PEAK1: variants seen among roughly 807,000 people sequenced by gnomAD.
PEAK1 encodes inactive tyrosine-protein kinase PEAK1.
A neutral mutation model predicts 124.7 loss-of-function variants in PEAK1; 54 were observed. The ratio of observed to expected loss-of-function variants is 0.43; its 90% CI spans 0.35 to 0.54. The LOEUF is 0.54. PEAK1 is among the 20% of genes least tolerant of loss of function. The pLI is 0.01. For missense variants in PEAK1, 2,046 were observed against 2,134.5 expected (o/e 0.96, Z 0.82); for synonymous variants, 719 against 760.0 (o/e 0.95, Z 0.89).
intron 7 of PEAK1, among the ~76,000 whole-genome samples, chr15:77,170,798 G>A (rs533896585): frequency 2.5e-4 from 38 of 152,162 alleles, no homozygotes; most frequent in African/African-American, 8.7e-4. Flanking sequence ...AACTACTCAG[G>A]GTAAGTCAGA....
At chr15:77,334,650 G>GT in intron 2 of PEAK1, 1 of 985,070 alleles carries the variant, frequency 1.0e-6, no homozygotes, top group Non-Finnish European at 1.2e-6. Context: ...ATTTTTATTT[G>GT]TATTACTTTT....
At position 77,208,165 on chromosome 15, in the gene PEAK1, G is replaced by A. The variant is rs568973237; in HGVS notation, c.-114-26125C>T. On this transcript the variant is annotated intron_variant, in intron 6 of 9. Transcript: ENST00000682557. ...TGCTTCAGGTACTACTATGTATGAC[G>A]CATCTTTAATTCAATACAATAATCT... 7.2e-4 allele frequency among the ~76,000 whole-genome samples: 109 copies of A among 152,216 alleles called. 1 individual carries two copies. The highest frequency in any genetic ancestry group is 2.5e-3 in the African/African-American group (103 of 41,522).
chr15:77,133,448 T>G lies in PEAK1; in HGVS notation c.3634A>C (p.Ile1212Leu), dbSNP rs368399480. The G allele has an allele frequency of 1.2e-6, 2 of 1,614,216 alleles. No homozygotes were observed. The highest frequency in any genetic ancestry group is 2.2e-5 in the South Asian group (2 of 91,088). ...CTTTCCAAGGAGTCATAAGACTCAA[T>G]GTCCAGTCCTTTGAGTTCATAGCTG... ...SISYELKGLDIESYDSLERPL... is the reference protein window; with the variant it reads ...SISYELKGLDLESYDSLERPL... Residue 1212 changes from isoleucine (I) to leucine (L), a missense_variant, in exon 9 of 10, where the codon ATT becomes CTT. Ile to Leu is a conservative substitution (Grantham distance 5). Transcript: ENST00000682557. The surrounding 1 kb of genome is among the most constrained non-coding windows in gnomAD (Gnocchi z 4.2).
chr15:77,342,293 T>C (rs2066591985), intron 2 of PEAK1, among the ~76,000 whole-genome samples: 1 of 152,034 alleles, frequency 6.6e-6, no homozygotes, highest in Non-Finnish European at 1.5e-5. Flanking sequence ...CTGAAACTTA[T>C]ACCCATTAAG....
intron 5 of PEAK1, among the ~76,000 whole-genome samples, chr15:77,277,401 C>A (rs1403592656): frequency 6.6e-6 from 1 of 152,018 alleles, no homozygotes; most frequent in African/African-American, 2.4e-5. Context: ...GTGTTGGTTA[C>A]ATGAATCTAC....
At chr15:77,344,907 C>A (rs2066772402) in intron 2 of PEAK1, among the ~76,000 whole-genome samples, 1 of 152,202 alleles carries the variant, frequency 6.6e-6, no homozygotes, top group African/African-American at 2.4e-5. Context: ...TATCCAGAAA[C>A]TTCGCTGAAT....
chr15:77,311,792 C>T (rs558477423), intron 2 of PEAK1, among the ~76,000 whole-genome samples: 7 of 151,038 alleles, frequency 4.6e-5, no homozygotes, highest in African/African-American at 1.7e-4. Context: ...GTAATGAGGA[C>T]AGTGCCATAA....
chr15:77,160,169 C>T (rs543801713), intron 7 of PEAK1, among the ~76,000 whole-genome samples: 1 of 151,628 alleles, frequency 6.6e-6, no homozygotes, highest in Non-Finnish European at 1.5e-5. Flanking sequence ...ATATGGAGCA[C>T]CATAAAATCA....
At chr15:77,348,151 T>C (rs969230526) in intron 2 of PEAK1, 1 of 981,636 alleles carries the variant, frequency 1.0e-6, no homozygotes, top group Non-Finnish European at 1.2e-6. Context: ...ATGAGGTATA[T>C]GGCAATGTGT....
chr15:77,114,125 A>C lies in PEAK1; in HGVS notation c.*31T>G, dbSNP rs1349959498. Reference sequence around the variant, plus strand: ...TGCATGGGTGACATGAAGAAGGTGAAGATGTAGTAAAAGCATCATCCAGGT... The same window carrying C: ...TGCATGGGTGACATGAAGAAGGTGACGATGTAGTAAAAGCATCATCCAGGT... On this transcript the variant is annotated 3_prime_UTR_variant, in exon 10 of 10. Transcript: ENST00000682557. 1 of 1,596,458 alleles carries C rather than the reference A, an allele frequency of 6.3e-7. No individual in the cohort carries two copies. The highest frequency in any genetic ancestry group is 2.2e-5 in the East Asian group (1 of 44,618).
At chr15:77,206,484 A>G (rs971234916) in intron 6 of PEAK1, among the ~76,000 whole-genome samples, 3 of 148,328 alleles carry the variant, frequency 2.0e-5, no homozygotes, top group Non-Finnish European at 4.5e-5. Flanking sequence ...CCTCTCCAGC[A>G]CCTGTTGTTT....
intron 2 of PEAK1, among the ~76,000 whole-genome samples, chr15:77,321,365 G>A (rs1214084215): frequency 6.6e-6 from 1 of 152,202 alleles, no homozygotes; most frequent in African/African-American, 2.4e-5. Context: ...ACTGGTGTGA[G>A]ATGGTATCTC....
At chr15:77,176,329 AAAAG>A (rs1375057473) in intron 7 of PEAK1, among the ~76,000 whole-genome samples, 4 of 151,866 alleles carry the variant, frequency 2.6e-5, no homozygotes, top group Admixed American at 1.3e-4. Flanking sequence ...TTTCAAAAAA[AAAAG>A]AAAAGTTTAA....
At chr15:77,291,078 G>T (rs2063186832) in intron 2 of PEAK1, among the ~76,000 whole-genome samples, 1 of 152,222 alleles carries the variant, frequency 6.6e-6, no homozygotes, top group Non-Finnish European at 1.5e-5. Context: ...AAGTGTAACA[G>T]TCAATGCATG....
intron 2 of PEAK1, among the ~76,000 whole-genome samples, chr15:77,340,945 C>A (rs1006148746): frequency 3.3e-5 from 5 of 150,262 alleles, no homozygotes; most frequent in Admixed American, 6.6e-5. Context: ...ACTATACTTA[C>A]AATTATAGCT....
At chr15:77,223,602 T>C (rs984231867) in intron 6 of PEAK1, among the ~76,000 whole-genome samples, 3 of 152,046 alleles carry the variant, frequency 2.0e-5, no homozygotes, top group Non-Finnish European at 4.4e-5. Flanking sequence ...AAAGGTCTTG[T>C]AAAAATAACT....
At chr15:77,411,530 C>T (rs972806808) in intron 1 of PEAK1, among the ~76,000 whole-genome samples, 1 of 152,304 alleles carries the variant, frequency 6.6e-6, no homozygotes, top group South Asian at 2.1e-4. Flanking sequence ...ATGCTTACAT[C>T]GGTGTTTAAA....
chr15:77,169,802 CAG>C (rs1002500672), intron 7 of PEAK1, among the ~76,000 whole-genome samples: 1 of 152,064 alleles, frequency 6.6e-6, no homozygotes, highest in Non-Finnish European at 1.5e-5. Flanking sequence ...GTGAAGGAAA[CAG>C]AAGAATCAAA....
chr15:77,410,493 A>G (rs1262771647), intron 1 of PEAK1, among the ~76,000 whole-genome samples: 1 of 152,168 alleles, frequency 6.6e-6, no homozygotes, highest in Non-Finnish European at 1.5e-5. Flanking sequence ...TACCTTACAG[A>G]TTTATTTTGT....
Sources: allele counts gnomAD v4.1 joint callset (sites outside exome capture counted in the v4.1 genomes callset), GRCh38; gene constraint gnomAD v4.1.1; non-coding constraint Gnocchi (gnomAD v3.1); transcripts MANE v1.5; gene names NCBI Gene and HGNC (gene_info 2026-07-23, HGNC 2026-07-21).